The following USP40 variants were observed in gnomAD, a reference collection of about 807,000 sequenced individuals.
USP40 encodes ubiquitin carboxyl-terminal hydrolase 40.
USP40 carries 143 observed loss-of-function variants against 166.2 expected under a neutral mutation model. The ratio of observed to expected loss-of-function variants is 0.86; its 90% CI spans 0.75 to 0.99. The LOEUF is 0.99. Among genes scored for constraint, USP40 ranks in the 50% least tolerant of loss-of-function variants. The pLI is 0.00. For missense variants in USP40, 1,444 were observed against 1,479.7 expected, an observed-to-expected ratio of 0.98 and a Z score of 0.40; for synonymous variants, 498 against 524.0, an observed-to-expected ratio of 0.95 and a Z score of 0.68.
chr2:233,476,934 G>A lies in USP40; in HGVS notation c.*458C>T, dbSNP rs966765596. 3 of 269,360 alleles carry A rather than the reference G, an allele frequency of 1.1e-5. No individual in the cohort carries two copies. The highest frequency in any genetic ancestry group is 2.3e-5 in the African/African-American group (1 of 44,162). 16.7% of individuals were successfully genotyped at this position (269,360 alleles called of 1,614,324 possible). A position where few individuals can be genotyped will look rare whatever the true frequency, so the allele number is the denominator to read the frequency against. On this transcript the variant is annotated 3_prime_UTR_variant, in exon 32 of 32. Transcript: ENST00000678225. ...CCCGCTTCTGCTCAGCACCAGCGCG[G>A]TGGCGCAGTGGCCTGAGACACTGTG...
At chr2:233,494,835 A>C (rs2125083605) in intron 24 of USP40, among the ~76,000 whole-genome samples, 1 of 144,056 alleles carries the variant, frequency 6.9e-6, no homozygotes, top group East Asian at 2.1e-4. Context: ...AAAAAAAAAA[A>C]AAAAAAACCA....
intron 28 of USP40, among the ~76,000 whole-genome samples, chr2:233,487,109 A>C (rs2064997742): frequency 6.6e-6 from 1 of 152,254 alleles, no homozygotes; most frequent in South Asian, 2.1e-4. Flanking sequence ...CATTGTGACA[A>C]AGGGTCAAAA....
At chr2:233,506,334 A>T (rs2066415318) in intron 21 of USP40, among the ~76,000 whole-genome samples, 1 of 152,230 alleles carries the variant, frequency 6.6e-6, no homozygotes, top group African/African-American at 2.4e-5. Flanking sequence ...ACTCTCACTA[A>T]ATACAAAAAT....
intron 21 of USP40, among the ~76,000 whole-genome samples, chr2:233,509,521 A>G (rs960612735): frequency 6.6e-6 from 1 of 152,306 alleles, no homozygotes; most frequent in East Asian, 1.9e-4. Context: ...ATTGATAGAA[A>G]GAAAAAAATT....
intron 7 of USP40, 132 bp from the exon 8 acceptor site, chr2:233,549,361 T>C (rs1391092033): frequency 1.6e-6 from 1 of 628,742 alleles, no homozygotes; most frequent in African/African-American, 1.9e-5. Flanking sequence ...TAAAGATGAA[T>C]TCAAGTAATT....
intron 24 of USP40, among the ~76,000 whole-genome samples, chr2:233,494,947 TATATATA>T (rs1472757516): frequency 2.2e-4 from 7 of 31,962 alleles, no homozygotes; most frequent in African/African-American, 1.4e-3. Context: ...TATATATATA[TATATATA>T]TTTATATATA....
rs371553738 is a variant in USP40, at chr2:233,491,279, G to A, written c.2918-18C>T. The A allele has an allele frequency of 8.9e-5, 140 of 1,576,792 alleles. No homozygotes were observed. The highest frequency in any genetic ancestry group is 3.6e-4 in the East Asian group (16 of 44,510). Reference sequence around the variant, plus strand: ...AGAAGCACCTTCCAAAGGACAGAGCGGGATGTTTACAAGGAACTTGAAACT... The same window carrying A: ...AGAAGCACCTTCCAAAGGACAGAGCAGGATGTTTACAAGGAACTTGAAACT... On this transcript the variant is annotated intron_variant, in intron 25 of 31. Transcript: ENST00000678225.
At position 233,565,608 on chromosome 2, in the gene USP40, T is replaced by A. The variant is rs1316505384; in HGVS notation, c.-19-35A>T. On this transcript the variant is annotated intron_variant, in intron 1 of 31. Transcript: ENST00000678225. ...AGTGACATATAAATGCTTTTATTTT[T>A]AAAATAAATTTTCCCCAAATCCCCC... is the stretch of plus-strand genomic sequence containing the variant. 4.0e-6 allele frequency: 6 copies of A among 1,497,672 alleles called. No homozygotes were observed. The African/African-American group carries it at 8.4e-5, about 21-fold the overall frequency. The allele number at this position is 1,497,672 out of a possible 1,614,324, so 92.8% of individuals were successfully genotyped here. A position where few individuals can be genotyped will look rare whatever the true frequency, so the allele number is the denominator to read the frequency against.
chr2:233,523,002 C>G (rs1270095217), intron 16 of USP40, among the ~76,000 whole-genome samples, 168 bp downstream of exon 16: 1 of 152,178 alleles, frequency 6.6e-6, no homozygotes, highest in Non-Finnish European at 1.5e-5. Context: ...ATGTTTTTCT[C>G]TAAGTTACAT....
At chr2:233,514,786 T>C (rs1373238271) in intron 18 of USP40, among the ~76,000 whole-genome samples, 2 of 152,168 alleles carry the variant, frequency 1.3e-5, no homozygotes, top group Non-Finnish European at 2.9e-5. Flanking sequence ...TTTCTTATAA[T>C]AAAATACATC....
rs2069494286 is a variant in USP40, at chr2:233,542,269, T to C, written c.1061A>G (p.Glu354Gly). 11 of 1,516,230 alleles carry C rather than the reference T, an allele frequency of 7.3e-6. No homozygotes were observed. Among genetic ancestry groups the C allele is most frequent in the Non-Finnish European group, 9.8e-6 (11 of 1,121,426 alleles). 93.9% of individuals were successfully genotyped at this position (1,516,230 alleles called of 1,614,324 possible). A position where few individuals can be genotyped will look rare whatever the true frequency, so the allele number is the denominator to read the frequency against. The stretch of plus-strand genomic sequence containing the variant: ...AATACATACACACACATACTATACC[T>C]CTAATAAGATTGCTTTTAGAATCAT... ...PLMILKAILL[E>G]EENNLIPVDQ... Residue 354 changes from glutamate to glycine, a missense_variant and splice_region_variant, in exon 9 of 32, where the codon GAG becomes GGG. Physicochemically the swap from Glu to Gly is moderately conservative, Grantham distance 98. Coordinates refer to ENST00000678225, the MANE Select transcript of USP40 (RefSeq NM_001365479.2).
chr2:233,564,167 G>A (rs114874495), intron 2 of USP40, among the ~76,000 whole-genome samples: 13 of 152,162 alleles, frequency 8.5e-5, no homozygotes, highest in Non-Finnish European at 1.9e-4. Flanking sequence ...AGGTAACAGC[G>A]GTAAATATTT....
In USP40 at chr2:233,482,892, A is replaced by T. The variant is rs76960596; in HGVS notation, c.3505-1595T>A. 6.9e-3 allele frequency among the ~76,000 whole-genome samples: 1,052 copies of T among 152,348 alleles called. 10 individuals carry two copies. The highest frequency in any genetic ancestry group is 0.024 in the African/African-American group (981 of 41,576). ...AGGGCAGCTTCCTGCTGGATTCTGC[A>T]GCTCCCTGCAATTGGCAAGCTGATT... On this transcript the variant is annotated intron_variant, in intron 30 of 31. Coordinates refer to ENST00000678225, the MANE Select transcript of USP40 (RefSeq NM_001365479.2).
chr2:233,563,722 A>T (rs2071870522), intron 2 of USP40, among the ~76,000 whole-genome samples: 1 of 152,142 alleles, frequency 6.6e-6, no homozygotes, highest in African/African-American at 2.4e-5. Context: ...GACAGTCCTT[A>T]TTCTTTCCAA....
chr2:233,484,835 A>G (rs905774997), intron 30 of USP40, among the ~76,000 whole-genome samples: 4 of 152,254 alleles, frequency 2.6e-5, no homozygotes, highest in African/African-American at 7.2e-5. Context: ...AATTTCTTTT[A>G]CTGCTCTTTC....
intron 8 of USP40, among the ~76,000 whole-genome samples, chr2:233,544,666 G>C (rs1460241110): frequency 1.3e-5 from 2 of 152,260 alleles, no homozygotes; most frequent in Non-Finnish European, 2.9e-5. Context: ...GCTAGGAATG[G>C]GAACTGGAAA....
chr2:233,477,063 A>G lies in USP40; in HGVS notation c.*329T>C, dbSNP rs2924809. On this transcript the variant is annotated 3_prime_UTR_variant, in exon 32 of 32. Coordinates refer to ENST00000678225, the MANE Select transcript of USP40 (RefSeq NM_001365479.2). ...GGAGCAACGGCATGCCGCTGCCTCCATACCTGCGGTTCACGCACACGTTGT... is the reference window on the plus strand; with the variant it reads ...GGAGCAACGGCATGCCGCTGCCTCCGTACCTGCGGTTCACGCACACGTTGT... The G allele has an allele frequency of 0.19, 70,856 of 365,254 alleles. 7,289 individuals are homozygous for G. Among genetic ancestry groups the G allele is most frequent in the African/African-American group, 0.23 (11,005 of 47,284 alleles). 22.6% of individuals were successfully genotyped at this position (365,254 alleles called of 1,614,324 possible). A position where few individuals can be genotyped will look rare whatever the true frequency, so the allele number is the denominator to read the frequency against.
chr2:233,554,229 G>T, intron 6 of USP40, 151 bp downstream of exon 6: 1 of 865,652 alleles, frequency 1.2e-6, no homozygotes, highest in Non-Finnish European at 1.6e-6. Context: ...ATTCATTATT[G>T]TAAAAAATTA....
chr2:233,503,105 T>C (rs1328771741), intron 21 of USP40, among the ~76,000 whole-genome samples: 2 of 151,992 alleles, frequency 1.3e-5, no homozygotes, highest in African/African-American at 4.8e-5. Context: ...AACAAGAGAA[T>C]ACAGACAATC....
Sources: gnomAD v4.1 joint callset for allele counts (sites outside exome capture counted in the v4.1 genomes callset) on GRCh38, gnomAD v4.1.1 for gene constraint, MANE v1.5 for transcripts, NCBI Gene and HGNC (gene_info 2026-07-23, HGNC 2026-07-21) for gene names.